The following STUM variants were observed in gnomAD, a reference collection of about 807,000 sequenced individuals.
The protein encoded by STUM is stum, mechanosensory transduction mediator homolog, also known as protein stum homolog.
In STUM, 8 loss-of-function variants were observed where a neutral mutation model predicts 15.3. The observed-to-expected ratio is 0.52, with a 90% CI of 0.31 to 0.94. The LOEUF (loss-of-function observed/expected upper bound fraction) is 0.94, where lower values mean the gene tolerates loss of function less well. Among genes scored for constraint, STUM ranks in the 40% least tolerant of loss-of-function variants. The pLI is 0.05. For missense variants in STUM, 142 were observed against 204.9 expected, an observed-to-expected ratio of 0.69 and a Z score of 1.87; for synonymous variants, 78 against 88.7, an observed-to-expected ratio of 0.88 and a Z score of 0.68.
At chr1:226,550,237 C>T (rs1445937279) in intron 1 of STUM, among the ~76,000 whole-genome samples, 1 of 152,196 alleles carries the variant, frequency 6.6e-6, no homozygotes, top group Non-Finnish European at 1.5e-5. Context: ...TTAGCAGGGG[C>T]CTCTGCTGCG....
At chr1:226,588,848 C>T (rs1035115084) in intron 1 of STUM, among the ~76,000 whole-genome samples, 9 of 152,184 alleles carry the variant, frequency 5.9e-5, no homozygotes, top group Admixed American at 3.3e-4. Context: ...GTGTGAAGAA[C>T]CTGTTTCTTT....
intron 1 of STUM, among the ~76,000 whole-genome samples, chr1:226,568,277 C>A (rs1396737962): frequency 6.6e-6 from 1 of 152,006 alleles, no homozygotes; most frequent in Admixed American, 6.6e-5. Flanking sequence ...TTTCGGTGGG[C>A]CTCATTCCGA....
intron 1 of STUM, among the ~76,000 whole-genome samples, chr1:226,572,084 G>A (rs557288414): frequency 1.0e-3 from 154 of 152,270 alleles, no homozygotes; most frequent in African/African-American, 3.5e-3. Context: ...AGACACTGTC[G>A]AACAAGCACA....
intron 1 of STUM, among the ~76,000 whole-genome samples, chr1:226,561,244 A>G (rs547327192): frequency 3.9e-5 from 6 of 152,280 alleles, no homozygotes; most frequent in East Asian, 1.9e-4. Flanking sequence ...TCTATTTCCA[A>G]TCGCAACTAG....
At chr1:226,575,063 C>A (rs138411303) in intron 1 of STUM, among the ~76,000 whole-genome samples, 13 of 152,268 alleles carry the variant, frequency 8.5e-5, no homozygotes, top group African/African-American at 3.1e-4. Flanking sequence ...TCACAGCAGG[C>A]CTGTGAAGTA....
intron 1 of STUM, among the ~76,000 whole-genome samples, chr1:226,590,488 C>A (rs1668068461): frequency 6.6e-6 from 1 of 152,164 alleles, no homozygotes; most frequent in African/African-American, 2.4e-5. Flanking sequence ...CTCCCCTGTC[C>A]CCTTTGTGGT....
At chr1:226,558,086 T>C (rs1298489072) in intron 1 of STUM, among the ~76,000 whole-genome samples, 2 of 152,210 alleles carry the variant, frequency 1.3e-5, no homozygotes, top group Admixed American at 1.3e-4. Context: ...AGGACAAGGA[T>C]GCCCACTTTT....
rs1668189547 is a variant in STUM, at chr1:226,596,869, C to T, written c.270C>T (p.Cys90=). 3.1e-6 allele frequency: 5 copies of T among 1,614,144 alleles called. No homozygotes were observed. The highest frequency in any genetic ancestry group is 1.3e-5 in the African/African-American group (1 of 74,964). Residue 90 remains cysteine (C), a synonymous_variant, in exon 2 of 4, where the codon TGC becomes TGT. Transcript: ENST00000366788. The part of the protein sequence containing the change: ...ARTDLPDRHV[C]CVFWLNIAAA... ...CCGACCTCCCGGACAGGCATGTGTGCTGCGTCTTCTGGCTGAACATTGCAG... is the reference window on the plus strand; with the variant it reads ...CCGACCTCCCGGACAGGCATGTGTGTTGCGTCTTCTGGCTGAACATTGCAG...
At chr1:226,597,081 G>T (rs1668193818) in intron 2 of STUM, 100 bp downstream of exon 2, 2 of 1,139,210 alleles carry the variant, frequency 1.8e-6, no homozygotes, top group Non-Finnish European at 2.6e-6. Context: ...CTGCTCACCC[G>T]CTAAGCACGG....
chr1:226,598,044 G>A (rs1668211844), intron 2 of STUM, among the ~76,000 whole-genome samples: 1 of 152,230 alleles, frequency 6.6e-6, no homozygotes, highest in Non-Finnish European at 1.5e-5. Flanking sequence ...CCCTGTCAGA[G>A]GAATATTGTG....
rs113747134 is a variant in STUM, at chr1:226,559,906, G to A, written c.202+10800G>A. On this transcript the variant is annotated intron_variant, in intron 1 of 3. Transcript: ENST00000366788. ...GAGAATGGCGTGAACCCGGGGGGGC[G>A]GAGCTTGCAGTGAGCCGAGATTGCA... Among the ~76,000 whole-genome samples the A allele has an allele frequency of 4.0e-3, 614 of 151,762 alleles. 5 individuals carry two copies. The highest frequency in any genetic ancestry group is 0.014 in the African/African-American group (566 of 41,366).
chr1:226,591,181 A>G (rs558015902), intron 1 of STUM, among the ~76,000 whole-genome samples: 1 of 152,378 alleles, frequency 6.6e-6, no homozygotes, highest in African/African-American at 2.4e-5. Context: ...AACAGTTTTT[A>G]TATTATAAAT....
At position 226,600,380 on chromosome 1, in the gene STUM, T is replaced by C. The variant is rs1668245542; in HGVS notation, c.383-286T>C. Among the ~76,000 whole-genome samples the C allele has an allele frequency of 6.6e-6, 1 of 152,142 alleles. No individual in the cohort carries two copies. The highest frequency in any genetic ancestry group is 1.5e-5 in the Non-Finnish European group (1 of 68,026). ...GGGCTGGGGAGGCAGTGGACCAAGC[T>C]CCCTGGCAGTGTGAGAGCCCCTCGC... On this transcript the variant is annotated intron_variant, in intron 2 of 3. Coordinates refer to ENST00000366788, the MANE Select transcript of STUM (RefSeq NM_001003665.4). The surrounding 1 kb of genome is among the most constrained non-coding windows in gnomAD (Gnocchi z 5.2).
rs537323605 is a variant in STUM at position 226,549,161 on chromosome 1, G to A, written c.202+55G>A. 61 of 1,479,214 alleles carry A rather than the reference G, an allele frequency of 4.1e-5. No homozygotes were observed. In the East Asian group the frequency reaches 6.6e-4, roughly 16 times the overall value. 91.6% of individuals were successfully genotyped at this position (1,479,214 alleles called of 1,614,324 possible). A position where few individuals can be genotyped will look rare whatever the true frequency, so the allele number is the denominator to read the frequency against. ...CCCCCACCCCGCCGCGGGAGGGCGTGGGGGGAGAGAAGGGCGCGGCCGGAG... is the reference window on the plus strand; with the variant it reads ...CCCCCACCCCGCCGCGGGAGGGCGTAGGGGGAGAGAAGGGCGCGGCCGGAG... On this transcript the variant is annotated intron_variant, in intron 1 of 3. Coordinates refer to ENST00000366788, the MANE Select transcript of STUM (RefSeq NM_001003665.4). This position sits in a 1 kb window ranked among gnomAD's most constrained non-coding sequence, Gnocchi z 6.8.
At chr1:226,569,284 G>A (rs1667669410) in intron 1 of STUM, among the ~76,000 whole-genome samples, 1 of 152,176 alleles carries the variant, frequency 6.6e-6, no homozygotes, top group South Asian at 2.1e-4. Flanking sequence ...AGGCTTACAT[G>A]TTGTCCTTAT....
chr1:226,552,950 A>C lies in STUM; in HGVS notation c.202+3844A>C, dbSNP rs538440694. ...TATCCACAAATACATATAGACTAGA[A>C]TTATACTCCTGGAATAGGCATTAGA... is the stretch of plus-strand genomic sequence containing the variant. On this transcript the variant is annotated intron_variant, in intron 1 of 3. Transcript: ENST00000366788. This position sits in a 1 kb window ranked among gnomAD's most constrained non-coding sequence, Gnocchi z 4.7. 6.6e-6 allele frequency among the ~76,000 whole-genome samples: 1 copy of C among 152,346 alleles called. No homozygotes were observed. Among genetic ancestry groups the C allele is most frequent in the African/African-American group, 2.4e-5 (1 of 41,566 alleles).
At chr1:226,561,992 T>G in intron 1 of STUM, among the ~76,000 whole-genome samples, 1 of 119,952 alleles carries the variant, frequency 8.3e-6, no homozygotes, top group Non-Finnish European at 1.7e-5. Context: ...GTAGAGACAG[T>G]ATGTCGGGTG....
chr1:226,572,475 G>A (rs1667726022), intron 1 of STUM, among the ~76,000 whole-genome samples: 1 of 152,228 alleles, frequency 6.6e-6, no homozygotes, highest in Non-Finnish European at 1.5e-5. Flanking sequence ...GCGGCTGGAT[G>A]CCTCGGGGAG....
rs1668348124 is a variant in STUM at position 226,605,846 on chromosome 1, G to C, written c.*3806G>C. 6.6e-6 allele frequency: 1 copy of C among 152,290 alleles called. No individual in the cohort carries two copies. The highest frequency in any genetic ancestry group is 1.5e-5 in the Non-Finnish European group (1 of 68,138). The allele number at this position is 152,290 out of a possible 1,614,324, so 9.4% of individuals were successfully genotyped here. On this transcript the variant is annotated 3_prime_UTR_variant, in exon 4 of 4. Coordinates refer to ENST00000366788, the MANE Select transcript of STUM (RefSeq NM_001003665.4). The surrounding 1 kb of genome is among the most constrained non-coding windows in gnomAD (Gnocchi z 4.0). Reference sequence around the variant, plus strand: ...CCCTTCCTGAGGGTGTTGGGGGATGGCGGCAGAGAGACAGCTGGTATTAGG... The same window carrying C: ...CCCTTCCTGAGGGTGTTGGGGGATGCCGGCAGAGAGACAGCTGGTATTAGG...
Sources: allele counts gnomAD v4.1 joint callset (sites outside exome capture counted in the v4.1 genomes callset), GRCh38; gene constraint gnomAD v4.1.1; non-coding constraint Gnocchi (gnomAD v3.1); transcripts MANE v1.5; gene names NCBI Gene and HGNC (gene_info 2026-07-23, HGNC 2026-07-21).